The following PHC3 variants were observed in gnomAD, a reference collection of about 807,000 sequenced individuals.
The protein encoded by PHC3 is polyhomeotic homolog 3.
In PHC3, 13 loss-of-function variants were observed where a neutral mutation model predicts 107.4. The ratio of observed to expected loss-of-function variants is 0.12; its 90% CI spans 0.08 to 0.19. The LOEUF (loss-of-function observed/expected upper bound fraction) is 0.19, where lower values mean the gene tolerates loss of function less well. Ranked by LOEUF, PHC3 falls within the 10% of genes least tolerant of loss-of-function variation. PHC3 has a pLI of 1.00. For missense variants in PHC3, 992 were observed against 1,210.9 expected, an observed-to-expected ratio of 0.82 and a Z score of 2.68; for synonymous variants, 456 against 427.4, an observed-to-expected ratio of 1.07 and a Z score of -0.83.
chr3:170,179,425 T>A (rs1176797048), intron 1 of PHC3, among the ~76,000 whole-genome samples: 1 of 152,180 alleles, frequency 6.6e-6, no homozygotes, highest in African/African-American at 2.4e-5. Flanking sequence ...CCATATAAAC[T>A]TTGCTTAAAA....
intron 6 of PHC3, among the ~76,000 whole-genome samples, chr3:170,137,521 C>G (rs1723298336): frequency 6.6e-6 from 1 of 152,148 alleles, no homozygotes; most frequent in Admixed American, 6.5e-5. Flanking sequence ...GGGAGAGAAA[C>G]TGAAATAAAA....
At chr3:170,179,482 A>G (rs1016934103) in intron 1 of PHC3, among the ~76,000 whole-genome samples, 1 of 152,166 alleles carries the variant, frequency 6.6e-6, no homozygotes, top group East Asian at 1.9e-4. Context: ...TTTAACTCAC[A>G]CTGGCTTTTC....
chr3:170,155,619 G>C (rs539290723), intron 4 of PHC3, among the ~76,000 whole-genome samples: 2 of 152,062 alleles, frequency 1.3e-5, no homozygotes, highest in African/African-American at 4.8e-5. Context: ...CTACTCAGGC[G>C]GCTGAGCTGG....
intron 2 of PHC3, among the ~76,000 whole-genome samples, chr3:170,175,017 A>G (rs939670703): frequency 6.6e-6 from 1 of 152,204 alleles, no homozygotes; most frequent in Non-Finnish European, 1.5e-5. Context: ...TGTTGTCAGC[A>G]CAGTCTTTCA....
At position 170,123,139 on chromosome 3, in the gene PHC3, G is replaced by A. The variant is rs185350238; in HGVS notation, c.1789-395C>T. 1.4e-4 allele frequency among the ~76,000 whole-genome samples: 21 copies of A among 152,166 alleles called. No individual in the cohort carries two copies. The East Asian group carries it at 3.9e-3, about 28-fold the overall frequency. ...AACATTTTTCATAAGCACACTAAGC[G>A]AATTCCTACAATGACACACTATATT... On this transcript the variant is annotated intron_variant, in intron 8 of 14. Transcript: ENST00000495893.
intron 4 of PHC3, among the ~76,000 whole-genome samples, chr3:170,153,693 G>A (rs1184270264): frequency 1.3e-5 from 2 of 151,564 alleles, no homozygotes; most frequent in African/African-American, 4.9e-5. Context: ...AACCCGGGAA[G>A]CGGAGTTTGC....
chr3:170,094,566 G>A lies in PHC3; in HGVS notation c.*2664C>T, dbSNP rs1714442666. On this transcript the variant is annotated 3_prime_UTR_variant, in exon 15 of 15. Coordinates refer to ENST00000495893, the MANE Select transcript of PHC3 (RefSeq NM_024947.4). ...TATCATACTGAAACTCTGCTTTAAAGCTCAGGAGAGAGGTGGATGCTCAGT... is the reference window on the plus strand; with the variant it reads ...TATCATACTGAAACTCTGCTTTAAAACTCAGGAGAGAGGTGGATGCTCAGT... 6.6e-6 allele frequency: 1 copy of A among 152,162 alleles called. No individual in the cohort carries two copies. 9.4% of individuals were successfully genotyped at this position (152,162 alleles called of 1,614,324 possible).
chr3:170,127,880 T>A (rs1007612653), intron 8 of PHC3, among the ~76,000 whole-genome samples: 3 of 152,196 alleles, frequency 2.0e-5, no homozygotes, highest in African/African-American at 7.2e-5. Context: ...ATAATTTTTC[T>A]TTCTAGGCAA....
chr3:170,126,522 ATATATAT>A (rs1301568961), intron 8 of PHC3, among the ~76,000 whole-genome samples: 6 of 80,730 alleles, frequency 7.4e-5, no homozygotes, highest in African/African-American at 3.0e-4. Context: ...ATATATATAT[ATATATAT>A]TTTTTTTTTT....
chr3:170,125,094 A>G (rs1000375974), intron 8 of PHC3, among the ~76,000 whole-genome samples: 4 of 152,188 alleles, frequency 2.6e-5, no homozygotes, highest in African/African-American at 9.6e-5. Context: ...AACATTTTTT[A>G]AAGTTATTTG....
intron 1 of PHC3, among the ~76,000 whole-genome samples, chr3:170,180,715 T>A (rs1731251914): frequency 6.6e-6 from 1 of 152,184 alleles, no homozygotes. Flanking sequence ...ACCAGTGACA[T>A]GCAAAAGGCC....
intron 11 of PHC3, among the ~76,000 whole-genome samples, chr3:170,112,395 A>ATAT (rs1326591526): frequency 2.1e-4 from 11 of 52,234 alleles, no homozygotes; most frequent in African/African-American, 7.3e-4. Context: ...ATATATATAT[A>ATAT]TTTTTTTTTA....
At chr3:170,159,811 T>C (rs1195136549) in intron 4 of PHC3, among the ~76,000 whole-genome samples, 1 of 152,174 alleles carries the variant, frequency 6.6e-6, no homozygotes, top group Admixed American at 6.5e-5. Context: ...AGAATGATAA[T>C]GGAACTAACA....
At chr3:170,128,232 TAA>T in intron 8 of PHC3, 2 of 439,496 alleles carry the variant, frequency 4.6e-6, no homozygotes, top group Non-Finnish European at 3.2e-6. Context: ...CAAAATCCCC[TAA>T]AAGCCCAAGA....
At chr3:170,150,471 G>A (rs186953949) in intron 4 of PHC3, 2,313 of 151,358 alleles carry the variant, frequency 0.015, 62 homozygotes, top group African/African-American at 0.055. Flanking sequence ...CGAGGCGGGC[G>A]GATCACAAGG....
At chr3:170,148,784 A>C (rs1325108426) in intron 5 of PHC3, 1 of 195,934 alleles carries the variant, frequency 5.1e-6, no homozygotes, top group East Asian at 1.2e-4. Flanking sequence ...TTTCACAGAT[A>C]TTAAAATATG....
chr3:170,114,061 T>A (rs931989309), intron 10 of PHC3, among the ~76,000 whole-genome samples: 1 of 152,148 alleles, frequency 6.6e-6, no homozygotes, highest in Non-Finnish European at 1.5e-5. Flanking sequence ...TTTGCTCTTG[T>A]TGCAATGGTG....
Position 170,145,882 on chromosome 3 carries a change from G to C in PHC3, c.574-361C>G, listed in dbSNP as rs1378069385. ...TGTGGCAGGATTCCTAAAATGGGAA[G>C]TAAACAACTAGTCACTATTTTGGGA... On this transcript the variant is annotated intron_variant, in intron 5 of 14. Coordinates refer to ENST00000495893, the MANE Select transcript of PHC3 (RefSeq NM_024947.4). Among the ~76,000 whole-genome samples the C allele has an allele frequency of 2.0e-5, 3 of 152,276 alleles. No homozygotes were observed. The East Asian group carries it at 5.8e-4, about 29-fold the overall frequency.
intron 4 of PHC3, among the ~76,000 whole-genome samples, chr3:170,152,236 C>A (rs1018210235): frequency 1.3e-5 from 2 of 151,058 alleles, no homozygotes; most frequent in African/African-American, 4.9e-5. Context: ...AGTGGTGCGA[C>A]CTCAGCTCAC....
Sources: allele counts gnomAD v4.1 joint callset (sites outside exome capture counted in the v4.1 genomes callset), GRCh38; gene constraint gnomAD v4.1.1; transcripts MANE v1.5; gene names NCBI Gene and HGNC (gene_info 2026-07-23, HGNC 2026-07-21).